Variants in TMC3 observed in about 807,000 individuals in gnomAD.
TMC3 encodes transmembrane channel-like protein 3.
TMC3 carries 98 observed loss-of-function variants against 110.6 expected under a neutral mutation model. The observed-to-expected ratio is 0.89, with a 90% confidence interval of 0.75 to 1.05. The LOEUF (loss-of-function observed/expected upper bound fraction) is 1.05, where lower values mean the gene tolerates loss of function less well. Among genes scored for constraint, TMC3 ranks in the 50% least tolerant of loss-of-function variants. The pLI is 0.00. For missense variants in TMC3, 1,319 were observed against 1,373.2 expected (o/e 0.96, Z 0.62); for synonymous variants, 489 against 513.1 (o/e 0.95, Z 0.63).
Position 81,343,327 on chromosome 15 carries a change from T to C in TMC3, c.1666A>G (p.Lys556Glu), listed in dbSNP as rs762159724. 1 of 1,609,892 alleles carries C rather than the reference T, an allele frequency of 6.2e-7. No homozygotes were observed. The highest frequency in any genetic ancestry group is 1.7e-5 in the Admixed American group (1 of 60,018). ...ESKFPEYGEF[K>E]IAENVLHLVY... ...AAATGTAGCACATTCTCAGCTATTT[T>C]GAATTCTCCATATTCAGGCTACAAG... Residue 556 changes from lysine to glutamate, a missense_variant, in exon 15 of 22, where the codon AAA (lysine) becomes GAA (glutamate). By Grantham distance (56) the Lys-to-Glu change is moderately conservative (BLOSUM62 1). Transcript: ENST00000359440.
chr15:81,332,967 C>T lies in TMC3; in HGVS notation c.2755G>A (p.Glu919Lys). 1 of 1,612,762 alleles carries T rather than the reference C, an allele frequency of 6.2e-7. No homozygotes were observed. The highest frequency in any genetic ancestry group is 8.5e-7 in the Non-Finnish European group (1 of 1,179,226). Reference sequence around the variant, plus strand: ...TGTCGCACGTTCCTGGGGTACAGCTCCACAATGTCACCTGAAGCATCTATC... The same window carrying T: ...TGTCGCACGTTCCTGGGGTACAGCTTCACAATGTCACCTGAAGCATCTATC... ...FKIDASGDIV[E>K]LYPRNVRQYA... is the part of the protein sequence containing the mutation. The change falls in exon 22 of 22, where the codon GAG becomes AAG. Residue 919 changes from glutamate to lysine, a missense_variant. Coordinates refer to ENST00000359440, the MANE Select transcript of TMC3 (RefSeq NM_001080532.3).
intron 3 of TMC3, among the ~76,000 whole-genome samples, chr15:81,365,958 GATAC>G (rs1894307123): frequency 6.6e-6 from 1 of 152,130 alleles, no homozygotes; most frequent in African/African-American, 2.4e-5. Context: ...TTAGATATGT[GATAC>G]ATGCACATAT....
chr15:81,333,560 A>C (rs1347509316), intron 21 of TMC3, among the ~76,000 whole-genome samples: 1 of 152,248 alleles, frequency 6.6e-6, no homozygotes, highest in African/African-American at 2.4e-5. Context: ...GTCAAGAGGC[A>C]CATAGTGGGA....
At position 81,355,824 on chromosome 15, in the gene TMC3, C is replaced by G. The variant is rs537514409; in HGVS notation, c.892-56G>C. ...CTTAGCATCATCATTAATTATAAAT[C>G]ATTAGAAATAATTTACCCAGTAATT... On this transcript the variant is annotated intron_variant, in intron 8 of 21. Transcript: ENST00000359440. 7.9e-5 allele frequency: 94 copies of G among 1,182,450 alleles called. 3 individuals carry two copies. In the East Asian group the frequency reaches 2.2e-3, roughly 27 times the overall value. 73.2% of individuals were successfully genotyped at this position (1,182,450 alleles called of 1,614,324 possible).
rs766800332 is a variant in TMC3, at chr15:81,332,529, G to A, written c.3193C>T (p.His1065Tyr). ...SSADQYLQVT[H>Y]SQGRFPRSVG... ...GACCTCGGGAACCTGCCCTGGCTGT[G>A]GGTGACCTGCAGGTACTGGTCAGCG... The change falls in exon 22 of 22, where the codon CAC becomes TAC. Residue 1065 changes from histidine to tyrosine, a missense_variant. By Grantham distance (83) the His-to-Tyr change is moderately conservative. Coordinates refer to ENST00000359440, the MANE Select transcript of TMC3 (RefSeq NM_001080532.3). 2 of 1,613,622 alleles carry A rather than the reference G, an allele frequency of 1.2e-6. No individual in the cohort carries two copies. The highest frequency in any genetic ancestry group is 2.2e-5 in the East Asian group (1 of 44,882).
In TMC3 at chr15:81,334,891, C is replaced by T; in HGVS notation, c.2288G>A (p.Gly763Asp). 1 of 1,613,984 alleles carries T rather than the reference C, an allele frequency of 6.2e-7. No individual in the cohort carries two copies. Among genetic ancestry groups the T allele is most frequent in the Non-Finnish European group, 8.5e-7 (1 of 1,179,898 alleles). The part of the protein sequence containing the change: ...LTSQLSSAHS[G>D]TPQNNGNVAH... ...CACGTTGCCGTTGTTTTGGGGTGTG[C>T]CCGAGTGCGCTGAGGACAGCTGGCT... The change falls in exon 21 of 22, where the codon GGC (glycine) becomes GAC (aspartate). Residue 763 changes from glycine (G) to aspartate (D), a missense_variant. Coordinates refer to ENST00000359440, the MANE Select transcript of TMC3 (RefSeq NM_001080532.3).
At chr15:81,357,169 A>G (rs1439134982) in intron 7 of TMC3, among the ~76,000 whole-genome samples, 2 of 151,798 alleles carry the variant, frequency 1.3e-5, no homozygotes, top group Non-Finnish European at 2.9e-5. Flanking sequence ...TGTCTCTTAC[A>G]TTGTATGTCT....
chr15:81,372,471 T>C, intron 2 of TMC3, 120 bp downstream of exon 2: 1 of 1,298,518 alleles, frequency 7.7e-7, no homozygotes, highest in Admixed American at 1.8e-5. Flanking sequence ...CTAATTCAGG[T>C]CAAGAGTGAC....
At chr15:81,363,323 C>T (rs1045108742) in intron 3 of TMC3, among the ~76,000 whole-genome samples, 3 of 152,040 alleles carry the variant, frequency 2.0e-5, no homozygotes, top group Non-Finnish European at 4.4e-5. Context: ...TTCTCAAAAG[C>T]GAATAAAGCA....
chr15:81,336,721 G>C, intron 19 of TMC3, 70 bp from the exon 20 acceptor site: 1 of 1,506,164 alleles, frequency 6.6e-7, no homozygotes, highest in East Asian at 2.3e-5. Flanking sequence ...TATTCCTGGG[G>C]GAAGAGAAAA....
intron 1 of TMC3, 59 bp downstream of exon 1, chr15:81,373,930 T>A: frequency 6.7e-7 from 1 of 1,501,706 alleles, no homozygotes; most frequent in Non-Finnish European, 9.2e-7. Flanking sequence ...TGGTGACCCA[T>A]GCATTCCTTC....
chr15:81,334,599 A>G, intron 21 of TMC3, 121 bp downstream of exon 21: 1 of 1,316,668 alleles, frequency 7.6e-7, no homozygotes, highest in Non-Finnish European at 1.0e-6. Context: ...CAGCTGTCAT[A>G]GTCTCCTGAC....
rs77430896 is a variant in TMC3 at position 81,332,995 on chromosome 15, G to A, written c.2727C>T (p.Phe909=). Residue 909 remains phenylalanine, a synonymous_variant, in exon 22 of 22, where the codon TTC becomes TTT. Coordinates refer to ENST00000359440, the MANE Select transcript of TMC3 (RefSeq NM_001080532.3). The part of the protein sequence containing the change: ...KHLNVWPERH[F]KIDASGDIVE... ...CAATGTCACCTGAAGCATCTATCTT[G>A]AAATGTCTTTCTGGCCAGACATTTA... 0.04 allele frequency: 64,508 copies of A among 1,613,600 alleles called. 1,677 individuals are homozygous for A. The highest frequency in any genetic ancestry group is 0.13 in the East Asian group (5,904 of 44,858).
chr15:81,351,348 CTTTTTT>C (rs35807579), intron 10 of TMC3, among the ~76,000 whole-genome samples: 3 of 101,302 alleles, frequency 3.0e-5, no homozygotes, highest in African/African-American at 1.8e-4. Flanking sequence ...CTCTCTCTCT[CTTTTTT>C]TTTTTTTTTT....
Position 81,338,604 on chromosome 15 carries a change from G to A in TMC3, c.2081+51C>T, listed in dbSNP as rs951655496. The A allele has an allele frequency of 3.2e-6, 5 of 1,583,982 alleles. No individual in the cohort carries two copies. In the East Asian group the frequency reaches 6.7e-5, roughly 21 times the overall value. ...AATTATTGGAAAGCAGCGTTTTCTT[G>A]TTGGCCAAACACACAGAAGTCCCTC... is the stretch of plus-strand genomic sequence containing the variant. On this transcript the variant is annotated intron_variant, in intron 18 of 21. Transcript: ENST00000359440.
chr15:81,338,802 C>T lies in TMC3; in HGVS notation c.1956-22G>A, dbSNP rs376843676. The T allele has an allele frequency of 1.4e-5, 23 of 1,612,104 alleles. No individual in the cohort carries two copies. The South Asian group carries it at 2.2e-4, about 15-fold the overall frequency. ...TCCACTGTGAGAAAGAAAAACATAA[C>T]TCCAGATTTTATTGCTCTTGGCAGA... is the stretch of plus-strand genomic sequence containing the variant. On this transcript the variant is annotated intron_variant, in intron 17 of 21. Coordinates refer to ENST00000359440, the MANE Select transcript of TMC3 (RefSeq NM_001080532.3).
Position 81,332,535 on chromosome 15 carries a change from C to A in TMC3, c.3187G>T (p.Val1063Phe). The change falls in exon 22 of 22, where the codon GTC becomes TTC. Residue 1063 changes from valine to phenylalanine, a missense_variant. By Grantham distance (50) the Val-to-Phe change is conservative. Transcript: ENST00000359440. Reference sequence around the variant, plus strand: ...GGGAACCTGCCCTGGCTGTGGGTGACCTGCAGGTACTGGTCAGCGCTGCTG... The same window carrying A: ...GGGAACCTGCCCTGGCTGTGGGTGAACTGCAGGTACTGGTCAGCGCTGCTG... ...QNSSADQYLQVTHSQGRFPRS... is the reference protein window; with the variant it reads ...QNSSADQYLQFTHSQGRFPRS... 2 of 1,613,850 alleles carry A rather than the reference C, an allele frequency of 1.2e-6. No homozygotes were observed. Among genetic ancestry groups the A allele is most frequent in the Non-Finnish European group, 1.7e-6 (2 of 1,179,862 alleles).
In TMC3 at chr15:81,346,433, G is replaced by A. The variant is rs763981929; in HGVS notation, c.1204C>T (p.Leu402=). ...LRFQLARVLV[L]YLGNLYSLII... is the part of the protein sequence containing the mutation. ...AGGCTGTAGAGATTTCCCAAATACA[G>A]CACAAGGACCCTGAAAGCCACAAGC... Residue 402 remains leucine (L), a synonymous_variant, in exon 12 of 22, where the codon CTG becomes TTG. Transcript: ENST00000359440. 14 of 1,613,370 alleles carry A rather than the reference G, an allele frequency of 8.7e-6. No homozygotes were observed. The highest frequency in any genetic ancestry group is 1.3e-5 in the African/African-American group (1 of 74,904).
chr15:81,371,948 G>C (rs1412950397), intron 2 of TMC3, among the ~76,000 whole-genome samples: 1 of 151,800 alleles, frequency 6.6e-6, no homozygotes, highest in African/African-American at 2.4e-5. Flanking sequence ...GAAAAGAACT[G>C]GTATTCAGAG....
Sources: gnomAD v4.1 joint callset for allele counts (sites outside exome capture counted in the v4.1 genomes callset) on GRCh38, gnomAD v4.1.1 for gene constraint, MANE v1.5 for transcripts, NCBI Gene and HGNC (gene_info 2026-07-23, HGNC 2026-07-21) for gene names.